CPAMD8: variants seen among roughly 807,000 people sequenced by gnomAD.
CPAMD8 encodes C3 and PZP-like alpha-2-macroglobulin domain-containing protein 8.
In CPAMD8, 146 loss-of-function variants were observed where a neutral mutation model predicts 224.7. That is an observed-to-expected ratio of 0.65 (90% CI 0.57 to 0.75). The LOEUF (loss-of-function observed/expected upper bound fraction) is 0.75. CPAMD8 is among the 30% of genes least tolerant of loss of function. The pLI is 0.00. For synonymous variants in CPAMD8, 966 were observed against 1,044.6 expected, an observed-to-expected ratio of 0.92 and a Z score of 1.45; for missense variants, 2,301 against 2,537.5, an observed-to-expected ratio of 0.91 and a Z score of 2.00.
At chr19:16,974,119 C>G (rs561747911) in intron 17 of CPAMD8, among the ~76,000 whole-genome samples, 8 of 151,296 alleles carry the variant, frequency 5.3e-5, no homozygotes, top group Non-Finnish European at 1.2e-4. Flanking sequence ...TGAGCCACCG[C>G]GCTCAGCCAG....
chr19:16,945,523 C>T (rs959373138), intron 22 of CPAMD8, 26 bp downstream of exon 22: 3 of 1,609,404 alleles, frequency 1.9e-6, no homozygotes, highest in Admixed American at 1.7e-5. Context: ...CCTGGCTAAG[C>T]ACCAGAGATG....
chr19:16,910,955 G>A (rs777867165), intron 29 of CPAMD8, among the ~76,000 whole-genome samples: 15 of 152,180 alleles, frequency 9.9e-5, no homozygotes, highest in Non-Finnish European at 2.1e-4. Context: ...GGGAGCAAGG[G>A]CCTGCCAATG....
intron 27 of CPAMD8, among the ~76,000 whole-genome samples, chr19:16,916,337 G>T (rs953491608): frequency 6.6e-6 from 1 of 151,974 alleles, no homozygotes; most frequent in African/African-American, 2.4e-5. Context: ...TCAGGGTCAA[G>T]CAATTCTCGT....
Position 16,896,453 on chromosome 19 carries a change from C to T in CPAMD8, c.5275+3G>A. The T allele has an allele frequency of 6.9e-7, 1 of 1,452,056 alleles. No homozygotes were observed. Among genetic ancestry groups the T allele is most frequent in the Non-Finnish European group, 9.0e-7 (1 of 1,109,136 alleles). 89.9% of individuals were successfully genotyped at this position (1,452,056 alleles called of 1,614,324 possible). ...GAGGCTAGGCGGGGGGTAGGGTCCTCACCGAGGGCGCAGCAGCTGGGAGGC... is the reference window on the plus strand; with the variant it reads ...GAGGCTAGGCGGGGGGTAGGGTCCTTACCGAGGGCGCAGCAGCTGGGAGGC... On this transcript the variant is annotated splice_donor_region_variant and intron_variant, in intron 40 of 41. Coordinates refer to ENST00000443236, the MANE Select transcript of CPAMD8 (RefSeq NM_015692.5).
At chr19:16,937,522 C>T (rs1375257796) in intron 23 of CPAMD8, among the ~76,000 whole-genome samples, 2 of 152,122 alleles carry the variant, frequency 1.3e-5, no homozygotes, top group African/African-American at 2.4e-5. Flanking sequence ...GTCACCCAGG[C>T]TGGAGTGCTG....
chr19:16,977,342 C>T (rs756199448), intron 15 of CPAMD8, 26 bp downstream of exon 15: 13 of 1,571,876 alleles, frequency 8.3e-6, no homozygotes, highest in Admixed American at 1.7e-5. Context: ...CTGGCTGTGT[C>T]CCAGGTTCAG....
intron 18 of CPAMD8, among the ~76,000 whole-genome samples, chr19:16,965,204 G>T (rs1599797344): frequency 6.6e-6 from 1 of 151,898 alleles, no homozygotes; most frequent in Non-Finnish European, 1.5e-5. Context: ...AGCTTGCAGT[G>T]AGCCGATATC....
intron 27 of CPAMD8, among the ~76,000 whole-genome samples, 174 bp from the exon 28 acceptor site, chr19:16,914,987 T>C (rs1599689597): frequency 6.6e-6 from 1 of 152,184 alleles, no homozygotes; most frequent in African/African-American, 2.4e-5. Flanking sequence ...AGGGGGCACA[T>C]TGCCCAGCAC....
At chr19:16,938,083 G>A (rs1031777804) in intron 23 of CPAMD8, among the ~76,000 whole-genome samples, 19 of 152,126 alleles carry the variant, frequency 1.2e-4, no homozygotes, top group South Asian at 2.1e-4. Flanking sequence ...CACCGTGCCC[G>A]GGCAGCCTAA....
intron 14 of CPAMD8, among the ~76,000 whole-genome samples, chr19:16,979,281 T>TCCATCCATCCAC (rs1297656173): frequency 6.7e-6 from 1 of 150,374 alleles, no homozygotes; most frequent in Admixed American, 6.6e-5. Context: ...CATCCATCCA[T>TCCATCCATCCAC]CCATCCTTCT....
At chr19:16,972,271 C>T (rs2122654434) in intron 17 of CPAMD8, among the ~76,000 whole-genome samples, 1 of 152,172 alleles carries the variant, frequency 6.6e-6, no homozygotes, top group African/African-American at 2.4e-5. Context: ...TCAAGTGATC[C>T]TCCCACCTCA....
chr19:16,916,820 G>A (rs576757465), intron 27 of CPAMD8, among the ~76,000 whole-genome samples: 12 of 152,182 alleles, frequency 7.9e-5, no homozygotes, highest in South Asian at 2.1e-4. Context: ...TCCCTCTCAG[G>A]TACCTCAAAT....
At chr19:17,012,389 C>A (rs2056685375) in intron 3 of CPAMD8, among the ~76,000 whole-genome samples, 1 of 149,134 alleles carries the variant, frequency 6.7e-6, no homozygotes. Flanking sequence ...TCTCTGTTGC[C>A]CAGGCTGGAG....
At chr19:17,001,320 GAAAAAAAA>G (rs1170361586) in intron 9 of CPAMD8, among the ~76,000 whole-genome samples, 1 of 42,470 alleles carries the variant, frequency 2.4e-5, no homozygotes, top group African/African-American at 1.0e-4. Context: ...GACTCCGTCT[GAAAAAAAA>G]AAAAAAAAAA....
In CPAMD8 at chr19:16,981,121, A is replaced by G. The variant is rs536021006; in HGVS notation, c.1396-435T>C. On this transcript the variant is annotated intron_variant, in intron 13 of 41. Coordinates refer to ENST00000443236, the MANE Select transcript of CPAMD8 (RefSeq NM_015692.5). ...TAATCCCAGCACTTTGGGGGGCTGA[A>G]GCGGACAGATCGCTCAAGTCCAGAA... Among the ~76,000 whole-genome samples the G allele has an allele frequency of 4.6e-3, 694 of 151,044 alleles. 7 individuals carry two copies. Among genetic ancestry groups the G allele is most frequent in the Non-Finnish European group, 7.4e-3 (502 of 67,920 alleles).
chr19:16,994,612 C>A (rs1363889407), intron 11 of CPAMD8, among the ~76,000 whole-genome samples: 1 of 150,448 alleles, frequency 6.6e-6, no homozygotes, highest in Non-Finnish European at 1.5e-5. Flanking sequence ...CCTCTACCTC[C>A]TGGGCTCGCA....
chr19:16,896,873 A>G (rs1599642672), intron 39 of CPAMD8: 2 of 404,768 alleles, frequency 4.9e-6, no homozygotes, highest in Non-Finnish European at 4.3e-6. Flanking sequence ...AAACAGAAAC[A>G]GACTTTTAAA....
chr19:17,022,916 C>G (rs11669478), intron 1 of CPAMD8, among the ~76,000 whole-genome samples: 4 of 151,898 alleles, frequency 2.6e-5, no homozygotes, highest in African/African-American at 9.7e-5. Context: ...CCCCCACCAC[C>G]GTGAGAAGTG....
intron 18 of CPAMD8, 115 bp from the exon 19 acceptor site, chr19:16,958,030 G>A (rs1262042854): frequency 1.1e-6 from 1 of 926,110 alleles, no homozygotes; most frequent in African/African-American, 1.7e-5. Flanking sequence ...TCTTTTACCT[G>A]GAAGGGTTAA....
Sources: gnomAD v4.1 joint callset for allele counts (sites outside exome capture counted in the v4.1 genomes callset) on GRCh38, gnomAD v4.1.1 for gene constraint, MANE v1.5 for transcripts, NCBI Gene and HGNC (gene_info 2026-07-23, HGNC 2026-07-21) for gene names.